Variants in GPATCH2 observed in about 807,000 individuals in gnomAD.
GPATCH2 encodes the protein G patch domain-containing protein 2.
Under a neutral mutation model 58.0 loss-of-function variants are expected in GPATCH2, and 51 were observed. The ratio of observed to expected loss-of-function variants is 0.88; its 90% CI spans 0.70 to 1.11. The LOEUF (loss-of-function observed/expected upper bound fraction) is 1.11. GPATCH2 is among the 50% of genes most tolerant of loss of function. GPATCH2 has a pLI of 0.00. For missense variants in GPATCH2, 625 were observed against 652.2 expected (o/e 0.96, Z 0.45); for synonymous variants, 222 against 218.5 (o/e 1.02, Z -0.14).
chr1:217,487,614 C>T (rs1280175730), intron 8 of GPATCH2, among the ~76,000 whole-genome samples: 1 of 152,020 alleles, frequency 6.6e-6, no homozygotes, highest in African/African-American at 2.4e-5. Context: ...TTGGTAGAAA[C>T]AGGGTTTCAC....
intron 9 of GPATCH2, among the ~76,000 whole-genome samples, chr1:217,443,743 ACT>A (rs559723641): frequency 8.7e-4 from 133 of 152,088 alleles, no homozygotes; most frequent in African/African-American, 3.1e-3. Context: ...CATAGAGATC[ACT>A]CTTCAGATCT....
intron 8 of GPATCH2, among the ~76,000 whole-genome samples, chr1:217,479,634 A>C (rs976270256): frequency 2.8e-4 from 42 of 152,230 alleles, no homozygotes; most frequent in African/African-American, 1.0e-3. Flanking sequence ...AAAACAAATA[A>C]AAAATGGCTG....
At chr1:217,582,427 T>C (rs1361036397) in intron 5 of GPATCH2, among the ~76,000 whole-genome samples, 2 of 152,126 alleles carry the variant, frequency 1.3e-5, no homozygotes, top group Non-Finnish European at 2.9e-5. Context: ...ACAGTGATTA[T>C]AAAAAGATGG....
At chr1:217,558,864 A>G (rs906040375) in intron 5 of GPATCH2, among the ~76,000 whole-genome samples, 1 of 152,196 alleles carries the variant, frequency 6.6e-6, no homozygotes, top group Non-Finnish European at 1.5e-5. Context: ...AAAGCCTAGA[A>G]GTCATCCCTG....
intron 5 of GPATCH2, among the ~76,000 whole-genome samples, chr1:217,566,101 C>CAAAAAAAAAA (rs59608962): frequency 4.2e-5 from 2 of 47,240 alleles, no homozygotes; most frequent in African/African-American, 1.2e-4. Context: ...AACTCCGTCT[C>CAAAAAAAAAA]AAAAAAAAAA....
chr1:217,509,773 G>A lies in GPATCH2; in HGVS notation c.1166+5049C>T, dbSNP rs1204147931. On this transcript the variant is annotated intron_variant, in intron 6 of 9. Coordinates refer to ENST00000366935, the MANE Select transcript of GPATCH2 (RefSeq NM_018040.5). ...TGATGTACATTGTAAGAGATTCAAA[G>A]TACAAGACAAAGTTTCCAACCTCGG... Among the ~76,000 whole-genome samples, 3 of 152,200 alleles carry A rather than the reference G, an allele frequency of 2.0e-5. No homozygotes were observed. The East Asian group carries it at 5.8e-4, about 29-fold the overall frequency.
intron 5 of GPATCH2, among the ~76,000 whole-genome samples, chr1:217,548,299 C>A (rs915449187): frequency 1.4e-4 from 21 of 151,962 alleles, no homozygotes; most frequent in Admixed American, 5.9e-4. Flanking sequence ...AGTAAAAAAA[C>A]CAATGGGTAC....
At chr1:217,535,578 C>T (rs909883716) in intron 5 of GPATCH2, among the ~76,000 whole-genome samples, 2 of 152,190 alleles carry the variant, frequency 1.3e-5, no homozygotes, top group Non-Finnish European at 2.9e-5. Flanking sequence ...GTCTCGATCT[C>T]CTGACCTCGT....
intron 5 of GPATCH2, among the ~76,000 whole-genome samples, chr1:217,520,526 T>C (rs1026299888): frequency 2.6e-5 from 4 of 152,222 alleles, no homozygotes; most frequent in African/African-American, 9.6e-5. Context: ...GTATGACTTT[T>C]AGGAAAAGAC....
In GPATCH2 at chr1:217,603,724, G is replaced by C. The variant is rs572112505; in HGVS notation, c.1098+6597C>G. Among the ~76,000 whole-genome samples, 3 of 152,202 alleles carry C rather than the reference G, an allele frequency of 2.0e-5. No homozygotes were observed. The East Asian group carries it at 5.8e-4, about 29-fold the overall frequency. ...TGCAACCTCCACTTCCTGAGTTTAA[G>C]TGATTCTCCTGCTTCTGCCTCCCTA... On this transcript the variant is annotated intron_variant, in intron 5 of 9. Transcript: ENST00000366935.
chr1:217,482,150 C>T (rs561874072), intron 8 of GPATCH2, among the ~76,000 whole-genome samples: 77 of 152,242 alleles, frequency 5.1e-4, no homozygotes, highest in African/African-American at 1.7e-3. Context: ...CCAGGGCCTA[C>T]GCACTTAATC....
chr1:217,511,020 C>G (rs1053683609), intron 6 of GPATCH2, among the ~76,000 whole-genome samples: 1 of 152,120 alleles, frequency 6.6e-6, no homozygotes, highest in Non-Finnish European at 1.5e-5. Context: ...ATCGTTTGAA[C>G]TGGGAGGCAG....
At position 217,586,549 on chromosome 1, in the gene GPATCH2, G is replaced by A. The variant is rs112381556; in HGVS notation, c.1098+23772C>T. The stretch of plus-strand genomic sequence containing the variant: ...CCATCCTGTGATAACAACGTCTTCT[G>A]GAATACCTTTCGAAGGACCTGTCTG... On this transcript the variant is annotated intron_variant, in intron 5 of 9. Coordinates refer to ENST00000366935, the MANE Select transcript of GPATCH2 (RefSeq NM_018040.5). Among the ~76,000 whole-genome samples the A allele has an allele frequency of 2.0e-4, 30 of 151,934 alleles. 2 individuals are homozygous for A. The highest frequency in any genetic ancestry group is 7.0e-4 in the African/African-American group (29 of 41,354).
chr1:217,448,244 C>T (rs760741254), intron 9 of GPATCH2, among the ~76,000 whole-genome samples: 9 of 151,920 alleles, frequency 5.9e-5, no homozygotes, highest in Non-Finnish European at 1.2e-4. Flanking sequence ...TGATAGGAAT[C>T]TTATTTTCAT....
intron 5 of GPATCH2, among the ~76,000 whole-genome samples, chr1:217,580,877 G>T (rs1462812097): frequency 1.1e-5 from 1 of 95,060 alleles, no homozygotes; most frequent in Non-Finnish European, 2.2e-5. Context: ...GCGCGGTGGC[G>T]GGCGCCTGTA....
chr1:217,520,667 T>C (rs1663407311), intron 5 of GPATCH2, among the ~76,000 whole-genome samples: 1 of 152,188 alleles, frequency 6.6e-6, no homozygotes, highest in East Asian at 1.9e-4. Context: ...TTGTTTGTTA[T>C]GCTTTTACAA....
intron 8 of GPATCH2, among the ~76,000 whole-genome samples, chr1:217,472,517 T>C (rs1160694645): frequency 1.3e-5 from 2 of 152,102 alleles, no homozygotes; most frequent in Non-Finnish European, 2.9e-5. Flanking sequence ...TTAGCCAAGA[T>C]GGTCTCGATC....
At chr1:217,509,486 G>A (rs867094727) in intron 6 of GPATCH2, among the ~76,000 whole-genome samples, 34 of 152,076 alleles carry the variant, frequency 2.2e-4, no homozygotes, top group African/African-American at 8.2e-4. Flanking sequence ...TTTATTTCTG[G>A]TGGTGATTTG....
At chr1:217,448,100 GA>G (rs796368256) in intron 9 of GPATCH2, among the ~76,000 whole-genome samples, 29,030 of 115,508 alleles carry the variant, frequency 0.25, 3,426 homozygotes, top group African/African-American at 0.39. Context: ...CTCTGTCTCA[GA>G]AAAAAAAAAA....
Sources: allele counts gnomAD v4.1 joint callset (sites outside exome capture counted in the v4.1 genomes callset), GRCh38; gene constraint gnomAD v4.1.1; transcripts MANE v1.5; gene names NCBI Gene and HGNC (gene_info 2026-07-23, HGNC 2026-07-21).